The following RSRC1 variants were observed in gnomAD, a reference collection of about 807,000 sequenced individuals.
RSRC1 encodes arginine and serine rich coiled-coil 1, also known as serine/Arginine-related protein 53.
RSRC1 carries 39 observed loss-of-function variants against 49.1 expected under a neutral mutation model. The observed-to-expected ratio is 0.79, with a 90% CI of 0.61 to 1.04. The LOEUF is 1.04. Ranked by LOEUF, RSRC1 falls within the 50% of genes least tolerant of loss-of-function variation. RSRC1 has a pLI of 0.00. For missense variants in RSRC1, 388 were observed against 402.4 expected, an observed-to-expected ratio of 0.96 and a Z score of 0.31; for synonymous variants, 143 against 130.8, an observed-to-expected ratio of 1.09 and a Z score of -0.63.
chr3:158,367,494 T>A (rs1323107210), intron 6 of RSRC1, among the ~76,000 whole-genome samples: 1 of 152,196 alleles, frequency 6.6e-6, no homozygotes, highest in East Asian at 1.9e-4. Flanking sequence ...GCTGACTTGA[T>A]CATGGTGGAT....
intron 5 of RSRC1, among the ~76,000 whole-genome samples, chr3:158,304,808 C>T (rs1418062223): frequency 2.6e-5 from 4 of 152,110 alleles, no homozygotes; most frequent in Non-Finnish European, 5.9e-5. Flanking sequence ...TGAGATGAAA[C>T]AGCATGAAGT....
At chr3:158,159,393 A>T (rs1272376818) in intron 3 of RSRC1, among the ~76,000 whole-genome samples, 1 of 152,212 alleles carries the variant, frequency 6.6e-6, no homozygotes, top group East Asian at 1.9e-4. Context: ...AACCAAAAAG[A>T]TGATTATAGG....
intron 3 of RSRC1, among the ~76,000 whole-genome samples, chr3:158,175,376 AT>A (rs1273934835): frequency 6.6e-6 from 1 of 152,088 alleles, no homozygotes; most frequent in African/African-American, 2.4e-5. Flanking sequence ...GTTAAAATCA[AT>A]TGCAGTCTCT....
chr3:158,148,504 C>T (rs1223805627), intron 3 of RSRC1, among the ~76,000 whole-genome samples: 1 of 151,952 alleles, frequency 6.6e-6, no homozygotes, highest in Non-Finnish European at 1.5e-5. Flanking sequence ...TTTTTCATGA[C>T]TTAGAACCAT....
rs1310797624 is a variant in RSRC1, at chr3:158,383,969, A to G, written c.583+29061A>G. ...GGAAAATATTTTATAATTGAGAAGC[A>G]TTAATTGTTTTTAAGCAAAACAGGT... On this transcript the variant is annotated intron_variant, in intron 6 of 9. Transcript: ENST00000611884. Among the ~76,000 whole-genome samples, 3 of 152,278 alleles carry G rather than the reference A, an allele frequency of 2.0e-5. No individual in the cohort carries two copies. The East Asian group carries it at 5.8e-4, about 29-fold the overall frequency.
intron 3 of RSRC1, among the ~76,000 whole-genome samples, chr3:158,146,348 AAT>A (rs1258788015): frequency 6.6e-6 from 1 of 152,114 alleles, no homozygotes; most frequent in East Asian, 1.9e-4. Context: ...AGGGCTGTTG[AAT>A]TTTGTCGAAG....
At chr3:158,153,486 T>C (rs566414159) in intron 3 of RSRC1, among the ~76,000 whole-genome samples, 27 of 152,328 alleles carry the variant, frequency 1.8e-4, no homozygotes, top group African/African-American at 6.5e-4. Context: ...TGGCATGGTA[T>C]TGTGTTGCAG....
intron 7 of RSRC1, among the ~76,000 whole-genome samples, chr3:158,530,434 C>T (rs1023010348): frequency 1.3e-5 from 2 of 151,898 alleles, no homozygotes; most frequent in African/African-American, 2.4e-5. Flanking sequence ...TCCTTTCTAG[C>T]CCTCTAGCCT....
At chr3:158,527,194 T>C (rs1336314451) in intron 7 of RSRC1, among the ~76,000 whole-genome samples, 1 of 150,818 alleles carries the variant, frequency 6.6e-6, no homozygotes, top group Non-Finnish European at 1.5e-5. Flanking sequence ...AACTCCAAGC[T>C]GACTGGGCTG....
At chr3:158,204,816 A>G (rs1349076558) in intron 4 of RSRC1, among the ~76,000 whole-genome samples, 1 of 152,144 alleles carries the variant, frequency 6.6e-6, no homozygotes, top group African/African-American at 2.4e-5. Flanking sequence ...CACCTCACCA[A>G]AGTTTACTTT....
chr3:158,363,304 C>T (rs1249206718), intron 6 of RSRC1, among the ~76,000 whole-genome samples: 1 of 149,826 alleles, frequency 6.7e-6, no homozygotes, highest in African/African-American at 2.5e-5. Context: ...TGCTCTGTCA[C>T]CCAGGCTGGA....
At chr3:158,513,439 A>G (rs1358644119) in intron 7 of RSRC1, among the ~76,000 whole-genome samples, 2 of 152,114 alleles carry the variant, frequency 1.3e-5, no homozygotes, top group Non-Finnish European at 2.9e-5. Flanking sequence ...TATATATTGA[A>G]CCAGCCTTGC....
intron 6 of RSRC1, among the ~76,000 whole-genome samples, chr3:158,397,032 A>AC (rs1424645723): frequency 3.9e-5 from 6 of 152,166 alleles, no homozygotes; most frequent in Non-Finnish European, 8.8e-5. Context: ...ACAACAGTGT[A>AC]CCACCTTCAT....
chr3:158,231,104 C>T (rs1284031658), intron 4 of RSRC1, among the ~76,000 whole-genome samples: 2 of 89,732 alleles, frequency 2.2e-5, no homozygotes, highest in Non-Finnish European at 4.7e-5. Flanking sequence ...TATTTCTTGG[C>T]TGTAGTAGAG....
At chr3:158,145,405 T>G (rs1023040741) in intron 3 of RSRC1, among the ~76,000 whole-genome samples, 4 of 152,350 alleles carry the variant, frequency 2.6e-5, no homozygotes, top group African/African-American at 9.6e-5. Flanking sequence ...TCCCCATTTC[T>G]TGTTTTTGTC....
At chr3:158,260,897 T>C (rs75301948) in intron 4 of RSRC1, among the ~76,000 whole-genome samples, 1 of 152,140 alleles carries the variant, frequency 6.6e-6, no homozygotes, top group Non-Finnish European at 1.5e-5. Context: ...CTCCCCCAAG[T>C]GCACAGATTC....
At chr3:158,157,741 C>A (rs895773318) in intron 3 of RSRC1, among the ~76,000 whole-genome samples, 4 of 152,112 alleles carry the variant, frequency 2.6e-5, no homozygotes, top group African/African-American at 9.7e-5. Flanking sequence ...CATGGAGAAA[C>A]CCCATGTCTA....
At chr3:158,408,616 A>G (rs111320499) in intron 6 of RSRC1, among the ~76,000 whole-genome samples, 1 of 152,210 alleles carries the variant, frequency 6.6e-6, no homozygotes, top group Non-Finnish European at 1.5e-5. Context: ...AGCTTCTTTT[A>G]AAAACACTGA....
At chr3:158,128,460 T>C (rs1410356200) in intron 3 of RSRC1, among the ~76,000 whole-genome samples, 1 of 152,216 alleles carries the variant, frequency 6.6e-6, no homozygotes, top group East Asian at 1.9e-4. Flanking sequence ...GGATTTCCTA[T>C]ACTGCCATCT....
Sources: allele counts gnomAD v4.1 joint callset (sites outside exome capture counted in the v4.1 genomes callset), GRCh38; gene constraint gnomAD v4.1.1; transcripts MANE v1.5; gene names NCBI Gene and HGNC (gene_info 2026-07-23, HGNC 2026-07-21).